Variants in ABAT observed in about 807,000 individuals in gnomAD.
ABAT encodes the protein 4-aminobutyrate aminotransferase, mitochondrial.
A neutral mutation model predicts 64.6 loss-of-function variants in ABAT; 45 were observed. That is an observed-to-expected ratio of 0.70 (90% CI 0.55 to 0.89). The LOEUF (loss-of-function observed/expected upper bound fraction) is 0.89. Among genes scored for constraint, ABAT ranks in the 40% least tolerant of loss-of-function variants. ABAT has a pLI of 0.00. For synonymous variants in ABAT, 297 were observed against 250.5 expected (o/e 1.19, Z -1.75); for missense variants, 633 against 658.4 (o/e 0.96, Z 0.42).
intron 1 of ABAT, among the ~76,000 whole-genome samples, chr16:8,723,036 C>A (rs908991340): frequency 2.0e-5 from 3 of 152,096 alleles, no homozygotes; most frequent in South Asian, 2.1e-4. Context: ...AGTTCAAGAC[C>A]AGCCTAGCCA....
At chr16:8,747,937 T>G (rs753071) in intron 3 of ABAT, among the ~76,000 whole-genome samples, 171 bp from the exon 4 acceptor site, 75,213 of 151,980 alleles carry the variant, frequency 0.49, 21,097 homozygotes, top group Non-Finnish European at 0.61. Context: ...TGGAATAGTT[T>G]CCTGCCAACT....
At chr16:8,736,039 G>A in intron 2 of ABAT, 1 of 529,274 alleles carries the variant, frequency 1.9e-6, no homozygotes, top group East Asian at 3.3e-5. Context: ...TATGGCTGGG[G>A]AGGCCTCACA....
chr16:8,741,607 C>T (rs1283654511), intron 2 of ABAT, among the ~76,000 whole-genome samples: 2 of 152,202 alleles, frequency 1.3e-5, no homozygotes, highest in Non-Finnish European at 2.9e-5. Context: ...GCTTCTGTGT[C>T]TTCATAGATG....
chr16:8,781,495 C>T lies in ABAT; in HGVS notation c.*65C>T. 5.1e-6 allele frequency: 8 copies of T among 1,565,274 alleles called. No homozygotes were observed. The highest frequency in any genetic ancestry group is 7.0e-6 in the Non-Finnish European group (8 of 1,147,450). The stretch of plus-strand genomic sequence containing the variant: ...ACAGTTGTCAAATTGATTAGTTTGC[C>T]TAATTCATGTTTTCACTTAAAAGTA... On this transcript the variant is annotated 3_prime_UTR_variant, in exon 16 of 16. Transcript: ENST00000268251. This position sits in a 1 kb window ranked among gnomAD's most constrained non-coding sequence, Gnocchi z 4.5.
intron 1 of ABAT, among the ~76,000 whole-genome samples, chr16:8,729,800 C>T (rs1330898422): frequency 7.6e-6 from 1 of 130,950 alleles, no homozygotes; most frequent in African/African-American, 3.0e-5. Flanking sequence ...GCTCTCTAGT[C>T]TTTCTTTTGT....
At chr16:8,734,597 A>C (rs1262742539) in intron 1 of ABAT, among the ~76,000 whole-genome samples, 2 of 152,210 alleles carry the variant, frequency 1.3e-5, no homozygotes, top group African/African-American at 4.8e-5. Context: ...AATATTAATC[A>C]TACTGTATGT....
chr16:8,756,187 T>C lies in ABAT; in HGVS notation c.317-1570T>C, dbSNP rs1596458908. 2.0e-5 allele frequency among the ~76,000 whole-genome samples: 3 copies of C among 152,202 alleles called. No homozygotes were observed. In the South Asian group the frequency reaches 6.2e-4, roughly 32 times the overall value. ...ACGAGCCACGATTGTGCCACTGCAC[T>C]CCAGCCTGGGCAACAAGGCAAGACT... On this transcript the variant is annotated intron_variant, in intron 5 of 15. Coordinates refer to ENST00000268251, the MANE Select transcript of ABAT (RefSeq NM_020686.6).
chr16:8,757,100 C>T, intron 5 of ABAT: 1 of 452,826 alleles, frequency 2.2e-6, no homozygotes, highest in South Asian at 1.6e-5. Context: ...TGCAATCCAG[C>T]ACTAGGGCCT....
intron 3 of ABAT, 43 bp from the exon 4 acceptor site, chr16:8,748,065 G>A (rs1309816619): frequency 6.3e-7 from 1 of 1,598,168 alleles, no homozygotes; most frequent in East Asian, 2.2e-5. Flanking sequence ...ATTTTGGCAA[G>A]AGTGTGGACT....
At chr16:8,732,998 C>T (rs1596436489) in intron 1 of ABAT, among the ~76,000 whole-genome samples, 2 of 149,568 alleles carry the variant, frequency 1.3e-5, no homozygotes, top group South Asian at 2.1e-4. Flanking sequence ...ACCTCCCTCC[C>T]GGACGGGGCG....
chr16:8,723,880 G>A (rs113947596), intron 1 of ABAT, among the ~76,000 whole-genome samples: 12,359 of 116,704 alleles, frequency 0.11, 734 homozygotes, highest in East Asian at 0.28. Context: ...TTGCTCTGTC[G>A]CCCAGGCTGG....
chr16:8,736,793 A>C (rs1218499844), intron 2 of ABAT: 1 of 152,290 alleles, frequency 6.6e-6, no homozygotes, highest in Non-Finnish European at 1.5e-5. Context: ...GCCCAAGGTC[A>C]CACAGCCACT....
At chr16:8,773,859 C>T (rs1241418734) in intron 12 of ABAT, among the ~76,000 whole-genome samples, 3 of 152,226 alleles carry the variant, frequency 2.0e-5, no homozygotes, top group African/African-American at 4.8e-5. Context: ...GTTCCATCCA[C>T]GTCATTGCTA....
chr16:8,745,986 CT>C lies in ABAT; in HGVS notation c.71-12del, dbSNP rs781324531. 9.1e-5 allele frequency: 146 copies of C among 1,612,166 alleles called. No individual in the cohort carries two copies. The highest frequency in any genetic ancestry group is 2.3e-4 in the Admixed American group (14 of 59,962). On this transcript the variant is annotated splice_polypyrimidine_tract_variant and intron_variant, in intron 2 of 15. Coordinates refer to ENST00000268251, the MANE Select transcript of ABAT (RefSeq NM_020686.6). ...GCTGTCACCAGGGATTTCTCATTGT[CT>C]TTGTTTACTGCAGGATCCAGACACA...
intron 1 of ABAT, among the ~76,000 whole-genome samples, chr16:8,675,887 C>T (rs965579827): frequency 2.0e-5 from 3 of 152,166 alleles, no homozygotes; most frequent in African/African-American, 4.8e-5. Flanking sequence ...TGTGCACCCC[C>T]GCAAGCGCCT....
At chr16:8,713,586 G>T in intron 1 of ABAT, 10 of 261,816 alleles carry the variant, frequency 3.8e-5, no homozygotes, top group East Asian at 1.0e-4. Flanking sequence ...CCTTCCCTCC[G>T]TCCCTCTCCC....
chr16:8,747,651 CCT>C (rs2083400480), intron 3 of ABAT, among the ~76,000 whole-genome samples: 1 of 151,752 alleles, frequency 6.6e-6, no homozygotes, highest in Admixed American at 6.6e-5. Context: ...TTTCTAATTC[CCT>C]GTTTCTGTAT....
At chr16:8,695,806 A>G (rs76054597) in intron 1 of ABAT, among the ~76,000 whole-genome samples, 2,485 of 152,346 alleles carry the variant, frequency 0.016, 59 homozygotes, top group African/African-American at 0.052. Context: ...GAAACTGAAC[A>G]GAGTGGTTTG....
chr16:8,714,208 C>T (rs1198614205), intron 1 of ABAT, among the ~76,000 whole-genome samples: 1 of 152,176 alleles, frequency 6.6e-6, no homozygotes, highest in Non-Finnish European at 1.5e-5. Flanking sequence ...CACCACAGTC[C>T]GCCTGCATCT....
Sources: gnomAD v4.1 joint callset for allele counts (sites outside exome capture counted in the v4.1 genomes callset) on GRCh38, gnomAD v4.1.1 for gene constraint, Gnocchi (gnomAD v3.1) non-coding constraint, MANE v1.5 for transcripts, NCBI Gene and HGNC (gene_info 2026-07-23, HGNC 2026-07-21) for gene names.